DLGAP1: variants seen among roughly 807,000 people sequenced by gnomAD.
DLGAP1 encodes disks large-associated protein 1.
A neutral mutation model predicts 90.8 loss-of-function variants in DLGAP1; 11 were observed. The observed-to-expected ratio is 0.12, with a 90% CI of 0.08 to 0.20. The LOEUF (loss-of-function observed/expected upper bound fraction) is 0.20. DLGAP1 is among the 10% of genes least tolerant of loss of function. The pLI is 1.00. For synonymous variants in DLGAP1, 558 were observed against 540.7 expected (o/e 1.03, Z -0.44); for missense variants, 1,050 against 1,333.8 (o/e 0.79, Z 3.31).
At chr18:4,000,439 A>C (rs774878255) in intron 3 of DLGAP1, among the ~76,000 whole-genome samples, 1 of 152,228 alleles carries the variant, frequency 6.6e-6, no homozygotes, top group East Asian at 1.9e-4. Flanking sequence ...TATATAGAGC[A>C]AATGGCCATC....
At chr18:4,143,455 G>C (rs1040091925) in intron 2 of DLGAP1, among the ~76,000 whole-genome samples, 3 of 151,700 alleles carry the variant, frequency 2.0e-5, no homozygotes, top group East Asian at 2.0e-4. Flanking sequence ...AAGGTCCAAG[G>C]GCTCTTGAGT....
chr18:3,973,979 C>G (rs55639092), intron 3 of DLGAP1, among the ~76,000 whole-genome samples: 1,616 of 152,138 alleles, frequency 0.011, 25 homozygotes, highest in African/African-American at 0.037. Context: ...CTGCACAGCA[C>G]GTGACTGTCC....
At chr18:4,152,504 G>C (rs2076691651) in intron 1 of DLGAP1, among the ~76,000 whole-genome samples, 2 of 152,178 alleles carry the variant, frequency 1.3e-5, no homozygotes, top group Admixed American at 6.5e-5. Flanking sequence ...TGGAAGTTCA[G>C]TCTCTTTAGA....
At chr18:4,097,596 C>A (rs1358045663) in intron 2 of DLGAP1, among the ~76,000 whole-genome samples, 1 of 152,204 alleles carries the variant, frequency 6.6e-6, no homozygotes, top group Non-Finnish European at 1.5e-5. Context: ...ACATGCTTTT[C>A]ATGCAATGGC....
intron 4 of DLGAP1, among the ~76,000 whole-genome samples, chr18:3,839,319 G>T (rs532517052): frequency 2.7e-4 from 41 of 152,096 alleles, no homozygotes; most frequent in Non-Finnish European, 5.4e-4. Context: ...TGTCTCTAGG[G>T]GGTCTACTGT....
chr18:4,085,568 G>A (rs537425559), intron 2 of DLGAP1, among the ~76,000 whole-genome samples: 1 of 152,278 alleles, frequency 6.6e-6, no homozygotes, highest in South Asian at 2.1e-4. Flanking sequence ...CCAGGGAAAG[G>A]AAATACTTTG....
At chr18:3,595,952 A>G (rs2056550820) in intron 7 of DLGAP1, among the ~76,000 whole-genome samples, 1 of 152,212 alleles carries the variant, frequency 6.6e-6, no homozygotes, top group Non-Finnish European at 1.5e-5. Context: ...TGTCCCAACC[A>G]GGTCTGCAGG....
chr18:3,639,812 T>C lies in DLGAP1; in HGVS notation c.1592-57564A>G, dbSNP rs997142284. Among the ~76,000 whole-genome samples, 6 of 134,364 alleles carry C rather than the reference T, an allele frequency of 4.5e-5. No homozygotes were observed. The South Asian group carries it at 1.2e-3, about 26-fold the overall frequency. 88.1% of individuals were successfully genotyped at this position (134,364 alleles called of 152,430 possible). A position where few individuals can be genotyped will look rare whatever the true frequency, so the allele number is the denominator to read the frequency against. ...CTCTGTCGCCCAGGCTGGAGTGCAG[T>C]GGCGCGATCTCGGCTCACTGCAAGC... On this transcript the variant is annotated intron_variant, in intron 7 of 12. Transcript: ENST00000315677.
At chr18:3,645,538 G>A (rs781167906) in intron 7 of DLGAP1, among the ~76,000 whole-genome samples, 1 of 152,110 alleles carries the variant, frequency 6.6e-6, no homozygotes. Flanking sequence ...CCTTCTGTCT[G>A]TGTGCAGGCT....
At chr18:3,982,519 G>C (rs909069220) in intron 3 of DLGAP1, among the ~76,000 whole-genome samples, 3 of 152,128 alleles carry the variant, frequency 2.0e-5, no homozygotes, top group Non-Finnish European at 4.4e-5. Context: ...TTGTGATTTG[G>C]TGCTGGTAAT....
chr18:3,650,037 GTTTTTTGT>G (rs1360140357), intron 7 of DLGAP1, among the ~76,000 whole-genome samples: 1 of 152,006 alleles, frequency 6.6e-6, no homozygotes, highest in African/African-American at 2.4e-5. Flanking sequence ...AGACATTACT[GTTTTTTGT>G]TTTTTTATTT....
intron 11 of DLGAP1, among the ~76,000 whole-genome samples, chr18:3,505,093 G>C (rs2143698306): frequency 6.6e-6 from 1 of 152,324 alleles, no homozygotes; most frequent in African/African-American, 2.4e-5. Flanking sequence ...AGCTGGGTCT[G>C]GTTCTGACCA....
chr18:3,933,581 A>T (rs1374226148), intron 3 of DLGAP1, among the ~76,000 whole-genome samples: 1 of 152,200 alleles, frequency 6.6e-6, no homozygotes, highest in Non-Finnish European at 1.5e-5. Flanking sequence ...TGCATCTGAG[A>T]GCAGAAAAAT....
intron 5 of DLGAP1, among the ~76,000 whole-genome samples, chr18:3,788,819 A>C (rs1227880677): frequency 6.6e-6 from 1 of 152,224 alleles, no homozygotes; most frequent in East Asian, 1.9e-4. Flanking sequence ...AAAAGGGTAG[A>C]ACACAAAACT....
chr18:3,499,130 C>G lies in DLGAP1; in HGVS notation c.*55G>C, dbSNP rs1429329699. On this transcript the variant is annotated 3_prime_UTR_variant, in exon 13 of 13. Coordinates refer to ENST00000315677, the MANE Select transcript of DLGAP1 (RefSeq NM_004746.4). The surrounding 1 kb of genome is among the most constrained non-coding windows in gnomAD (Gnocchi z 6.4). ...GGGGGAGAGGCAGCCGGCAGAGGAG[C>G]GGCCGGGGGAGGAGGGGACAGATGC... is the stretch of plus-strand genomic sequence containing the variant. The G allele has an allele frequency of 3.5e-6, 5 of 1,426,068 alleles. No homozygotes were observed. The East Asian group carries it at 1.1e-4, about 31-fold the overall frequency. The allele number at this position is 1,426,068 out of a possible 1,614,324, so 88.3% of individuals were successfully genotyped here. A position where few individuals can be genotyped will look rare whatever the true frequency, so the allele number is the denominator to read the frequency against.
chr18:3,889,660 C>T (rs1419252966), intron 3 of DLGAP1, among the ~76,000 whole-genome samples: 1 of 152,166 alleles, frequency 6.6e-6, no homozygotes, highest in East Asian at 1.9e-4. Flanking sequence ...AAGGTGATCA[C>T]CACATTTTCT....
intron 1 of DLGAP1, among the ~76,000 whole-genome samples, chr18:4,411,164 AT>A (rs1422457689): frequency 6.6e-6 from 1 of 151,402 alleles, no homozygotes; most frequent in African/African-American, 2.4e-5. Context: ...TCTCCAACAA[AT>A]TTTTTTTTCA....
intron 7 of DLGAP1, among the ~76,000 whole-genome samples, chr18:3,698,594 C>A (rs926345395): frequency 6.6e-6 from 1 of 151,822 alleles, no homozygotes; most frequent in African/African-American, 2.4e-5. Flanking sequence ...GGTAACCCGA[C>A]CTTTCTCTCT....
At position 3,814,069 on chromosome 18, in the gene DLGAP1, T is replaced by C. The variant is rs2066972401; in HGVS notation, c.1162A>G (p.Thr388Ala). ...KATQPSLTEL[T>A]TLKISNEHSP... The stretch of plus-strand genomic sequence containing the variant: ...GTTAGGACTACTCACTTGAGTGTGG[T>C]GAGTTCTGTAAGGGATGGCTGAGTA... Residue 388 changes from threonine (T) to alanine (A), a missense_variant, in exon 5 of 13, where the codon ACC becomes GCC. Transcript: ENST00000315677. 9.9e-6 allele frequency: 16 copies of C among 1,613,224 alleles called. No individual in the cohort carries two copies. The highest frequency in any genetic ancestry group is 1.4e-5 in the Non-Finnish European group (16 of 1,179,360).
Sources: gnomAD v4.1 joint callset for allele counts (sites outside exome capture counted in the v4.1 genomes callset) on GRCh38, gnomAD v4.1.1 for gene constraint, Gnocchi (gnomAD v3.1) non-coding constraint, MANE v1.5 for transcripts, NCBI Gene and HGNC (gene_info 2026-07-23, HGNC 2026-07-21) for gene names.